The following PCDHGA10 variants were observed in gnomAD, a reference collection of about 807,000 sequenced individuals.
PCDHGA10 encodes the protein protocadherin gamma subfamily A, 10.
PCDHGA10 carries 42 observed loss-of-function variants against 59.5 expected under a neutral mutation model. The observed-to-expected ratio is 0.71, with a 90% CI of 0.55 to 0.91. The LOEUF (loss-of-function observed/expected upper bound fraction) is 0.91, where lower values mean the gene tolerates loss of function less well. Among genes scored for constraint, PCDHGA10 ranks in the 40% least tolerant of loss-of-function variants. PCDHGA10 has a pLI of 0.00. For synonymous variants in PCDHGA10, 511 were observed against 517.2 expected, an observed-to-expected ratio of 0.99 and a Z score of 0.16; for missense variants, 1,111 against 1,198.2, an observed-to-expected ratio of 0.93 and a Z score of 1.07.
chr5:141,434,906 C>A lies in PCDHGA10; in HGVS notation c.2436+19295C>A, dbSNP rs1044434492. ...AACAATCCAGTCCCCTTCCCTCATA[C>A]CTTATTTATGTACATATATTTTATA... On this transcript the variant is annotated intron_variant, in intron 1 of 3. Coordinates refer to ENST00000398610, the MANE Select transcript of PCDHGA10 (RefSeq NM_018913.3). Among the ~76,000 whole-genome samples the A allele has an allele frequency of 2.0e-5, 3 of 151,752 alleles. No individual in the cohort carries two copies. In the South Asian group the frequency reaches 6.2e-4, roughly 32 times the overall value.
chr5:141,423,170 A>G, intron 1 of PCDHGA10: 8 of 1,613,504 alleles, frequency 5.0e-6, no homozygotes, highest in Non-Finnish European at 6.8e-6. Context: ...GTGGCCGTCC[A>G]GGACCACGGC....
intron 1 of PCDHGA10, chr5:141,476,000 T>A (rs2099383773): frequency 1.6e-6 from 2 of 1,225,380 alleles, no homozygotes; most frequent in African/African-American, 1.5e-5. Flanking sequence ...ATCAACGGCA[T>A]CCAGAAAGCC....
chr5:141,478,700 C>T (rs1171617240), intron 1 of PCDHGA10: 2 of 1,549,172 alleles, frequency 1.3e-6, no homozygotes, highest in South Asian at 1.2e-5. Flanking sequence ...AAAGTTAGTG[C>T]CTTTGTGAGA....
chr5:141,505,583 T>A, intron 3 of PCDHGA10, 102 bp downstream of exon 3: 1 of 1,583,650 alleles, frequency 6.3e-7, no homozygotes, highest in Non-Finnish European at 8.6e-7. Context: ...ACCTGTGTAG[T>A]TTCTCCAGAT....
At chr5:141,433,124 G>T in intron 1 of PCDHGA10, 5 of 1,614,136 alleles carry the variant, frequency 3.1e-6, no homozygotes, top group Non-Finnish European at 4.2e-6. Context: ...TGAAAAAAGC[G>T]AGCCCCTTTT....
chr5:141,491,148 G>A lies in PCDHGA10; in HGVS notation c.2437-3659G>A. The A allele has an allele frequency of 6.8e-6, 11 of 1,614,140 alleles. No homozygotes were observed. The highest frequency in any genetic ancestry group is 9.3e-6 in the Non-Finnish European group (11 of 1,179,990). The stretch of plus-strand genomic sequence containing the variant: ...TGCGCACAGCCCGGGCCTTACTGGA[G>A]GATGACTCTGACACCCAGCAGGTGG... On this transcript the variant is annotated intron_variant, in intron 1 of 3. Transcript: ENST00000398610. The surrounding 1 kb of genome is among the most constrained non-coding windows in gnomAD (Gnocchi z 6.9).
At chr5:141,506,119 G>T (rs1171566108) in intron 3 of PCDHGA10, among the ~76,000 whole-genome samples, 1 of 152,106 alleles carries the variant, frequency 6.6e-6, no homozygotes, top group African/African-American at 2.4e-5. Context: ...AGTCACTAGG[G>T]CCCAGAGCAG....
intron 1 of PCDHGA10, among the ~76,000 whole-genome samples, chr5:141,469,345 G>A (rs2099197832): frequency 6.6e-6 from 1 of 152,128 alleles, no homozygotes; most frequent in Non-Finnish European, 1.5e-5. Context: ...GGGAGGCTGA[G>A]GTGGATGGAT....
At position 141,413,089 on chromosome 5, in the gene PCDHGA10, C is replaced by T; in HGVS notation, c.-87C>T. The T allele has an allele frequency of 7.1e-7, 1 of 1,401,124 alleles. No homozygotes were observed. The highest frequency in any genetic ancestry group is 9.7e-7 in the Non-Finnish European group (1 of 1,035,054). 86.8% of individuals were successfully genotyped at this position (1,401,124 alleles called of 1,614,324 possible). A position where few individuals can be genotyped will look rare whatever the true frequency, so the allele number is the denominator to read the frequency against. ...TTAAAGTGCCCAGGCTACAGAGACA[C>T]CCTGAAGCCACAGAAAGACAAAGGA... On this transcript the variant is annotated 5_prime_UTR_variant, in exon 1 of 4. Coordinates refer to ENST00000398610, the MANE Select transcript of PCDHGA10 (RefSeq NM_018913.3).
At chr5:141,501,516 C>A (rs763346187) in intron 2 of PCDHGA10, among the ~76,000 whole-genome samples, 1 of 152,010 alleles carries the variant, frequency 6.6e-6, no homozygotes, top group Non-Finnish European at 1.5e-5. Flanking sequence ...GGCCTCCAAG[C>A]TGAAGCCCAG....
At chr5:141,501,290 TACAC>T (rs55762287) in intron 2 of PCDHGA10, among the ~76,000 whole-genome samples, 45,565 of 135,778 alleles carry the variant, frequency 0.34, 7,845 homozygotes, top group Non-Finnish European at 0.42. Flanking sequence ...TATTCCCTTA[TACAC>T]ACACACACAC....
chr5:141,458,609 A>T (rs1037852455), intron 1 of PCDHGA10, among the ~76,000 whole-genome samples: 1 of 152,004 alleles, frequency 6.6e-6, no homozygotes, highest in Non-Finnish European at 1.5e-5. Flanking sequence ...TCACTCTGTC[A>T]GCCAGGCTGG....
intron 1 of PCDHGA10, chr5:141,433,110 G>T (rs1031253372): frequency 1.2e-6 from 2 of 1,614,098 alleles, no homozygotes; most frequent in East Asian, 4.5e-5. Context: ...AGCCAGGAGA[G>T]CTTTGAAAAA....
At chr5:141,427,355 C>T (rs765449381) in intron 1 of PCDHGA10, 2 of 457,430 alleles carry the variant, frequency 4.4e-6, no homozygotes, top group African/African-American at 2.0e-5. Flanking sequence ...TAACTGAGGA[C>T]GCAGAACCCT....
In PCDHGA10 at chr5:141,419,493, A is replaced by G. The variant is rs1246204844; in HGVS notation, c.2436+3882A>G. 5.0e-6 allele frequency: 8 copies of G among 1,612,382 alleles called. No individual in the cohort carries two copies. The highest frequency in any genetic ancestry group is 1.7e-4 in the Middle Eastern group (1 of 5,978). On this transcript the variant is annotated intron_variant, in intron 1 of 3. Coordinates refer to ENST00000398610, the MANE Select transcript of PCDHGA10 (RefSeq NM_018913.3). ...CAGGGCTCGCCCGCGCTCAGCGCCA[A>G]TGTGAGCCTGCGCGTGTTGGTGGGC...
At chr5:141,504,696 G>T (rs2099840373) in intron 2 of PCDHGA10, among the ~76,000 whole-genome samples, 1 of 151,438 alleles carries the variant, frequency 6.6e-6, no homozygotes, top group African/African-American at 2.4e-5. Flanking sequence ...GGAGGGGCAG[G>T]TTCTTCTATG....
chr5:141,469,206 AG>A (rs1457933263), intron 1 of PCDHGA10, among the ~76,000 whole-genome samples: 1 of 150,920 alleles, frequency 6.6e-6, no homozygotes, highest in African/African-American at 2.4e-5. Context: ...AGCCTTTTGA[AG>A]TTGAGGCTTC....
rs150106838 is a variant in PCDHGA10, at chr5:141,503,886, T to C, written c.2496-1507T>C. On this transcript the variant is annotated intron_variant, in intron 2 of 3. Coordinates refer to ENST00000398610, the MANE Select transcript of PCDHGA10 (RefSeq NM_018913.3). Reference sequence around the variant, plus strand: ...AGTTCTTGGTTGTGCTCACCCACCATGACAAAATATGCACACACACAACGC... The same window carrying C: ...AGTTCTTGGTTGTGCTCACCCACCACGACAAAATATGCACACACACAACGC... Among the ~76,000 whole-genome samples, 20 of 152,290 alleles carry C rather than the reference T, an allele frequency of 1.3e-4. No individual in the cohort carries two copies. The South Asian group carries it at 3.9e-3, about 30-fold the overall frequency.
chr5:141,489,220 C>G lies in PCDHGA10; in HGVS notation c.2437-5587C>G. The G allele has an allele frequency of 6.6e-7, 1 of 1,508,698 alleles. No individual in the cohort carries two copies. Among genetic ancestry groups the G allele is most frequent in the South Asian group, 1.3e-5 (1 of 75,604 alleles). The allele number at this position is 1,508,698 out of a possible 1,614,324, so 93.5% of individuals were successfully genotyped here. A position where few individuals can be genotyped will look rare whatever the true frequency, so the allele number is the denominator to read the frequency against. ...AGACAGGACAGCACAGACTTACTCT[C>G]CACAAAGGGACTTCTGGGTCATGGG... On this transcript the variant is annotated intron_variant, in intron 1 of 3. Transcript: ENST00000398610. The surrounding 1 kb of genome is among the most constrained non-coding windows in gnomAD (Gnocchi z 4.5).
Sources: gnomAD v4.1 joint callset for allele counts (sites outside exome capture counted in the v4.1 genomes callset) on GRCh38, gnomAD v4.1.1 for gene constraint, Gnocchi (gnomAD v3.1) non-coding constraint, MANE v1.5 for transcripts, NCBI Gene and HGNC (gene_info 2026-07-23, HGNC 2026-07-21) for gene names.